LMBRD1: variants seen among roughly 807,000 people sequenced by gnomAD.
LMBRD1 encodes lysosomal cobalamin transport escort protein LMBD1.
A neutral mutation model predicts 74.8 loss-of-function variants in LMBRD1; 64 were observed. That is an observed-to-expected ratio of 0.86 (90% CI 0.70 to 1.05). The LOEUF is 1.05. LMBRD1 is among the 50% of genes least tolerant of loss of function. LMBRD1 has a pLI of 0.00. For missense variants in LMBRD1, 652 were observed against 645.9 expected, an observed-to-expected ratio of 1.01 and a Z score of -0.10; for synonymous variants, 204 against 216.3, an observed-to-expected ratio of 0.94 and a Z score of 0.50.
chr6:69,756,588 C>T (rs939096683), intron 3 of LMBRD1, among the ~76,000 whole-genome samples: 1 of 152,110 alleles, frequency 6.6e-6, no homozygotes, highest in African/African-American at 2.4e-5. Context: ...AGTTTCTTAT[C>T]AAGTTAAACA....
chr6:69,796,774 C>A lies in LMBRD1; in HGVS notation c.69+39G>T, dbSNP rs753288871. The A allele has an allele frequency of 1.6e-5, 26 of 1,594,654 alleles. No homozygotes were observed. In the East Asian group the frequency reaches 3.6e-4, roughly 22 times the overall value. On this transcript the variant is annotated intron_variant, in intron 1 of 15. Coordinates refer to ENST00000649934, the MANE Select transcript of LMBRD1 (RefSeq NM_018368.4). ...AGGGCCTGCCCCTCCCTTCCTCCCC[C>A]AGTCCAAACATGGGGAAAACTCCAA...
At position 69,790,349 on chromosome 6, in the gene LMBRD1, G is replaced by A; in HGVS notation, c.193C>T (p.Pro65Ser). 1 of 1,613,416 alleles carries A rather than the reference G, an allele frequency of 6.2e-7. No individual in the cohort carries two copies. Among genetic ancestry groups the A allele is most frequent in the Non-Finnish European group, 8.5e-7 (1 of 1,179,422 alleles). ...AIALITSALL[P>S]VDIFLVSYMK... ...TAAGAAACCAAAAATATATCCACTG[G>A]TAGAAGTGCTGATGTGATAAGTGCA... Residue 65 changes from proline (P) to serine (S), a missense_variant, in exon 2 of 16, where the codon CCA becomes TCA. Pro to Ser is a moderately conservative substitution (Grantham distance 74). Coordinates refer to ENST00000649934, the MANE Select transcript of LMBRD1 (RefSeq NM_018368.4).
At chr6:69,713,218 C>T (rs1231289986) in intron 9 of LMBRD1, among the ~76,000 whole-genome samples, 2 of 152,008 alleles carry the variant, frequency 1.3e-5, no homozygotes, top group African/African-American at 2.4e-5. Context: ...AAAAAATGAA[C>T]ACGCCAACAG....
intron 5 of LMBRD1, among the ~76,000 whole-genome samples, 158 bp downstream of exon 5, chr6:69,749,183 T>C (rs1256016903): frequency 1.3e-5 from 2 of 151,988 alleles, no homozygotes; most frequent in South Asian, 2.1e-4. Flanking sequence ...ACAAAACTGT[T>C]AAATTGTGGC....
chr6:69,782,006 C>T (rs1021924771), intron 2 of LMBRD1, among the ~76,000 whole-genome samples: 1 of 152,138 alleles, frequency 6.6e-6, no homozygotes, highest in South Asian at 2.1e-4. Flanking sequence ...ACGTGAAAAT[C>T]CACTATTATA....
rs192069893 is a variant in LMBRD1 at position 69,790,226 on chromosome 6, A to G, written c.246+70T>C. Reference sequence around the variant, plus strand: ...CCCAGATACAAAAATAAAACACAATATGTATCGGACTGCCAAGTGTGCCAG... The same window carrying G: ...CCCAGATACAAAAATAAAACACAATGTGTATCGGACTGCCAAGTGTGCCAG... On this transcript the variant is annotated intron_variant, in intron 2 of 15. Transcript: ENST00000649934. The G allele has an allele frequency of 4.0e-3, 4,011 of 991,240 alleles. 81 individuals carry two copies. The African/African-American group carries it at 0.054, about 13-fold the overall frequency. The allele number at this position is 991,240 out of a possible 1,614,324, so 61.4% of individuals were successfully genotyped here.
At chr6:69,688,856 A>C (rs1765821347) in intron 14 of LMBRD1, among the ~76,000 whole-genome samples, 1 of 152,086 alleles carries the variant, frequency 6.6e-6, no homozygotes, top group African/African-American at 2.4e-5. Context: ...TCTTTCACCT[A>C]CTTTCACGGT....
chr6:69,757,632 T>C (rs1161404345), intron 3 of LMBRD1, among the ~76,000 whole-genome samples: 2 of 152,218 alleles, frequency 1.3e-5, no homozygotes, highest in African/African-American at 4.8e-5. Context: ...TAATGTCAAG[T>C]TGAGTTTATA....
At chr6:69,727,720 T>C (rs920763730) in intron 7 of LMBRD1, among the ~76,000 whole-genome samples, 3 of 152,152 alleles carry the variant, frequency 2.0e-5, no homozygotes, top group African/African-American at 7.2e-5. Context: ...ATCTCGTTTA[T>C]ATTTTTAATA....
At chr6:69,721,359 G>A (rs1420037509) in intron 7 of LMBRD1, among the ~76,000 whole-genome samples, 1 of 152,166 alleles carries the variant, frequency 6.6e-6, no homozygotes, top group African/African-American at 2.4e-5. Context: ...AGAGGGAAGA[G>A]TAAAGAGAAC....
At chr6:69,741,570 G>A (rs1012297864) in intron 6 of LMBRD1, among the ~76,000 whole-genome samples, 1 of 152,166 alleles carries the variant, frequency 6.6e-6, no homozygotes, top group Admixed American at 6.5e-5. Flanking sequence ...ATTTTTAGCA[G>A]AGACGGGGTT....
chr6:69,782,076 G>A (rs568684576), intron 2 of LMBRD1, among the ~76,000 whole-genome samples: 1 of 152,326 alleles, frequency 6.6e-6, no homozygotes, highest in East Asian at 1.9e-4. Context: ...ATGCCAAAAT[G>A]TGGAGGGAAA....
chr6:69,719,118 G>T (rs1244706503), intron 7 of LMBRD1, 37 bp from the exon 8 acceptor site: 33 of 1,589,000 alleles, frequency 2.1e-5, no homozygotes, highest in Non-Finnish European at 2.8e-5. Flanking sequence ...TAGAAATAAT[G>T]TTTCAAACAT....
At chr6:69,727,102 G>A (rs7759966) in intron 7 of LMBRD1, among the ~76,000 whole-genome samples, 1 of 151,868 alleles carries the variant, frequency 6.6e-6, no homozygotes, top group Non-Finnish European at 1.5e-5. Flanking sequence ...GAGGTTGCAG[G>A]GAGTTGAGAT....
At chr6:69,724,491 G>A (rs749761856) in intron 7 of LMBRD1, among the ~76,000 whole-genome samples, 68 of 140,674 alleles carry the variant, frequency 4.8e-4, no homozygotes, top group Non-Finnish European at 9.7e-4. Flanking sequence ...TGCAAGGGAT[G>A]GTTCATTTGA....
chr6:69,719,054 T>C lies in LMBRD1; in HGVS notation c.664A>G (p.Asn222Asp), dbSNP rs1766556372. The change falls in exon 8 of 16, where the codon AAT becomes GAT. Residue 222 changes from asparagine (N) to aspartate (D), a missense_variant. Physicochemically the swap from Asn to Asp is conservative, Grantham distance 23. Around this residue, in one of 3 missense-constraint regions of LMBRD1, gnomAD observed 598 missense variants for 581.8 expected, o/e 1.03. Transcript: ENST00000649934. ...TAYGMSALPL[N>D]LIKGTRSAAY... Reference sequence around the variant, plus strand: ...GCGCTTCTAGTGCCTTTTATCAGATTTAAAGGTAACGCAGACATGCCATAG... The same window carrying C: ...GCGCTTCTAGTGCCTTTTATCAGATCTAAAGGTAACGCAGACATGCCATAG... The C allele has an allele frequency of 1.9e-6, 3 of 1,613,184 alleles. No homozygotes were observed. Among genetic ancestry groups the C allele is most frequent in the African/African-American group, 1.3e-5 (1 of 74,890 alleles).
At position 69,784,428 on chromosome 6, in the gene LMBRD1, T is replaced by C. The variant is rs375164946; in HGVS notation, c.247-3874A>G. Among the ~76,000 whole-genome samples, 18 of 152,288 alleles carry C rather than the reference T, an allele frequency of 1.2e-4. No individual in the cohort carries two copies. In the East Asian group the frequency reaches 2.5e-3, roughly 21 times the overall value. ...TCACTTTTACCTGATAACTTCACCA[T>C]AAAAATGGTGGTTCTCATTCAGGAG... On this transcript the variant is annotated intron_variant, in intron 2 of 15. Coordinates refer to ENST00000649934, the MANE Select transcript of LMBRD1 (RefSeq NM_018368.4).
chr6:69,678,266 A>C (rs1765588410), intron 14 of LMBRD1, among the ~76,000 whole-genome samples: 1 of 152,168 alleles, frequency 6.6e-6, no homozygotes, highest in South Asian at 2.1e-4. Flanking sequence ...AAGTGGAAGT[A>C]GATTATCATA....
intron 2 of LMBRD1, among the ~76,000 whole-genome samples, chr6:69,787,333 A>T (rs1031120511): frequency 1.3e-5 from 2 of 152,210 alleles, no homozygotes; most frequent in Non-Finnish European, 2.9e-5. Context: ...AGCCGCCCAA[A>T]ATGAGAAGGG....
Sources: gnomAD v4.1 joint callset for allele counts (sites outside exome capture counted in the v4.1 genomes callset) on GRCh38, gnomAD v4.1.1 for gene constraint, gnomAD v4.1.1 regional missense constraint, MANE v1.5 for transcripts, NCBI Gene and HGNC (gene_info 2026-07-23, HGNC 2026-07-21) for gene names.